The following RYR2 variants were observed in gnomAD, a reference collection of about 807,000 sequenced individuals.
RYR2 encodes the protein cardiac muscle ryanodine receptor-calcium release channel.
RYR2 carries 227 observed loss-of-function variants against 601.1 expected under a neutral mutation model. The ratio of observed to expected loss-of-function variants is 0.38; its 90% CI spans 0.34 to 0.42. The LOEUF is 0.42. Ranked by LOEUF, RYR2 falls within the 10% of genes least tolerant of loss-of-function variation. The probability of loss-of-function intolerance (pLI) is 1.00; values close to 1 mark genes in which losing one functional copy is unlikely to be tolerated. For synonymous variants in RYR2, 2,223 were observed against 2,175.1 expected, an observed-to-expected ratio of 1.02 and a Z score of -0.61; for missense variants, 4,646 against 6,156.5, an observed-to-expected ratio of 0.75 and a Z score of 8.21.
At chr1:237,779,972 A>AAGTT (rs531531351) in intron 88 of RYR2, among the ~76,000 whole-genome samples, 111 of 152,276 alleles carry the variant, frequency 7.3e-4, no homozygotes, top group African/African-American at 2.2e-3. Context: ...GCAATTGTCA[A>AAGTT]AGTTAGTTAG....
At position 237,610,725 on chromosome 1, in the gene RYR2, T is replaced by C. The variant is rs767417146; in HGVS notation, c.4684-37T>C. 4 of 1,511,624 alleles carry C rather than the reference T, an allele frequency of 2.6e-6. No homozygotes were observed. The highest frequency in any genetic ancestry group is 3.6e-6 in the Non-Finnish European group (4 of 1,112,160). The allele number at this position is 1,511,624 out of a possible 1,614,324, so 93.6% of individuals were successfully genotyped here. On this transcript the variant is annotated intron_variant, in intron 35 of 104. Transcript: ENST00000366574. The surrounding 1 kb of genome is among the most constrained non-coding windows in gnomAD (Gnocchi z 4.9). ...TTACTTTGTGAACCCCAAGGGATGTTCTACATTTATTCTTTTTCTGCCTCC... is the reference window on the plus strand; with the variant it reads ...TTACTTTGTGAACCCCAAGGGATGTCCTACATTTATTCTTTTTCTGCCTCC...
intron 23 of RYR2, among the ~76,000 whole-genome samples, chr1:237,510,808 G>C (rs1665814828): frequency 6.6e-6 from 1 of 152,250 alleles, no homozygotes; most frequent in Non-Finnish European, 1.5e-5. Context: ...TGCAAGGAGA[G>C]AGAACATCTT....
chr1:237,827,125 C>T (rs567537184), intron 101 of RYR2, among the ~76,000 whole-genome samples: 3 of 152,098 alleles, frequency 2.0e-5, no homozygotes, highest in African/African-American at 7.2e-5. Flanking sequence ...TAGTCAAATA[C>T]CATGGACAAG....
Position 237,709,578 on chromosome 1 carries a change from A to T in RYR2, c.10230+11A>T. 1 of 1,562,870 alleles carries T rather than the reference A, an allele frequency of 6.4e-7. No individual in the cohort carries two copies. Among genetic ancestry groups the T allele is most frequent in the Admixed American group, 1.7e-5 (1 of 58,166 alleles). The stretch of plus-strand genomic sequence containing the variant: ...TGGTCGAAGTCCCATGTGAGTGTGA[A>T]AATATTGATAGATCACGCCTACTGT... On this transcript the variant is annotated intron_variant, in intron 70 of 104. Coordinates refer to ENST00000366574, the MANE Select transcript of RYR2 (RefSeq NM_001035.3).
chr1:237,472,502 A>G (rs1259584948), intron 17 of RYR2, among the ~76,000 whole-genome samples: 1 of 152,224 alleles, frequency 6.6e-6, no homozygotes, highest in South Asian at 2.1e-4. Flanking sequence ...ATTGCCTTAA[A>G]AAACAACATT....
chr1:237,405,311 T>A (rs1361152676), intron 10 of RYR2, among the ~76,000 whole-genome samples: 1 of 152,208 alleles, frequency 6.6e-6, no homozygotes, highest in Non-Finnish European at 1.5e-5. Flanking sequence ...AGCATAAGAT[T>A]GCCAAGGGCA....
At chr1:237,411,366 T>G (rs558704651) in intron 10 of RYR2, among the ~76,000 whole-genome samples, 3 of 152,306 alleles carry the variant, frequency 2.0e-5, no homozygotes, top group African/African-American at 7.2e-5. Flanking sequence ...ATGATGAAGC[T>G]ATTAATAGGT....
At chr1:237,132,321 C>T (rs959839771) in intron 1 of RYR2, among the ~76,000 whole-genome samples, 2 of 152,188 alleles carry the variant, frequency 1.3e-5, no homozygotes, top group African/African-American at 4.8e-5. Context: ...CTAGCAAGTC[C>T]TTTAGGTGGT....
chr1:237,448,930 C>T (rs1400127412), intron 14 of RYR2, among the ~76,000 whole-genome samples: 1 of 151,618 alleles, frequency 6.6e-6, no homozygotes, highest in Admixed American at 6.6e-5. Flanking sequence ...TTTGATAATC[C>T]CTGTTTTAAA....
At chr1:237,274,547 G>T (rs1261881920) in intron 2 of RYR2, among the ~76,000 whole-genome samples, 1 of 152,028 alleles carries the variant, frequency 6.6e-6, no homozygotes, top group Non-Finnish European at 1.5e-5. Context: ...AGTTTATAAA[G>T]TAAAAAGTTA....
chr1:237,803,576 A>G (rs1019437605), intron 98 of RYR2, among the ~76,000 whole-genome samples: 1 of 152,102 alleles, frequency 6.6e-6, no homozygotes, highest in African/African-American at 2.4e-5. Context: ...CTGGGATTAC[A>G]AGCGTGAGCC....
chr1:237,097,771 G>A lies in RYR2; in HGVS notation c.48+55202G>A, dbSNP rs143095147. Among the ~76,000 whole-genome samples, 451 of 152,278 alleles carry A rather than the reference G, an allele frequency of 3.0e-3. 1 individual carries two copies. Among genetic ancestry groups the A allele is most frequent in the Middle Eastern group, 0.014 (4 of 294 alleles). On this transcript the variant is annotated intron_variant, in intron 1 of 104. Transcript: ENST00000366574. ...AATATTCCATGTACATCCACTACCA[G>A]TGATATTAGCTATTCCCAGTCCGTG...
chr1:237,273,946 T>C (rs1689975430), intron 2 of RYR2, among the ~76,000 whole-genome samples: 1 of 137,162 alleles, frequency 7.3e-6, no homozygotes, highest in Non-Finnish European at 1.5e-5. Context: ...TATATATTTA[T>C]ATTATATAAC....
At position 237,798,133 on chromosome 1, in the gene RYR2, A is replaced by G. The variant is rs1659491662; in HGVS notation, c.14053A>G (p.Lys4685Glu). The stretch of plus-strand genomic sequence containing the variant: ...TCTGGACTTCAGTGATGCCAGAGAA[A>G]AGAAGAAGCCAAAGAAAGACAGCTC... ...AALDFSDARE[K>E]KKPKKDSSLS... The change falls in exon 97 of 105, where the codon AAG (lysine) becomes GAG (glutamate). Residue 4685 changes from lysine (K) to glutamate (E), a missense_variant. By Grantham distance (56) the Lys-to-Glu change is moderately conservative. Around this residue, in one of 17 missense-constraint regions of RYR2, gnomAD observed 76 missense variants for 97.4 expected, o/e 0.78. Transcript: ENST00000366574. 1 of 1,612,428 alleles carries G rather than the reference A, an allele frequency of 6.2e-7. No homozygotes were observed. The highest frequency in any genetic ancestry group is 1.3e-5 in the African/African-American group (1 of 74,920).
chr1:237,694,019 G>A (rs1161482874), intron 63 of RYR2, among the ~76,000 whole-genome samples: 2 of 152,188 alleles, frequency 1.3e-5, no homozygotes, highest in Admixed American at 6.5e-5. Context: ...AATTGGCCGG[G>A]TGCGGTGGCT....
chr1:237,409,690 C>G (rs1231750430), intron 10 of RYR2, among the ~76,000 whole-genome samples: 1 of 152,008 alleles, frequency 6.6e-6, no homozygotes, highest in Non-Finnish European at 1.5e-5. Flanking sequence ...ATGGTATATT[C>G]ATTGAAAGTT....
intron 34 of RYR2, among the ~76,000 whole-genome samples, chr1:237,597,568 C>T (rs2148486451): frequency 6.6e-6 from 1 of 151,974 alleles, no homozygotes; most frequent in African/African-American, 2.4e-5. Context: ...ACATGAGCCA[C>T]CATGCCTGGC....
intron 56 of RYR2, among the ~76,000 whole-genome samples, chr1:237,665,265 G>C (rs929534545): frequency 6.6e-6 from 1 of 152,060 alleles, no homozygotes; most frequent in Non-Finnish European, 1.5e-5. Flanking sequence ...TGGTGACAGA[G>C]ATGCGTGCCT....
chr1:237,776,508 C>T (rs947809823), intron 87 of RYR2, among the ~76,000 whole-genome samples: 1 of 152,124 alleles, frequency 6.6e-6, no homozygotes, highest in African/African-American at 2.4e-5. Flanking sequence ...GTAAAACTTC[C>T]GCTTACCCTT....
Sources: gnomAD v4.1 joint callset for allele counts (sites outside exome capture counted in the v4.1 genomes callset) on GRCh38, gnomAD v4.1.1 for gene constraint, gnomAD v4.1.1 regional missense constraint, Gnocchi (gnomAD v3.1) non-coding constraint, MANE v1.5 for transcripts, NCBI Gene and HGNC (gene_info 2026-07-23, HGNC 2026-07-21) for gene names.